HIP1: variants seen among roughly 807,000 people sequenced by gnomAD.
The protein encoded by HIP1 is huntingtin-interacting protein 1.
A neutral mutation model predicts 147.6 loss-of-function variants in HIP1; 65 were observed. That is an observed-to-expected ratio of 0.44 (90% CI 0.36 to 0.54). The LOEUF is 0.54. HIP1 is among the 20% of genes least tolerant of loss of function. The pLI is 0.00. For synonymous variants in HIP1, 479 were observed against 504.0 expected (o/e 0.95, Z 0.67); for missense variants, 1,061 against 1,299.6 (o/e 0.82, Z 2.82).
chr7:75,721,636 C>T (rs1209312293), intron 1 of HIP1, among the ~76,000 whole-genome samples: 1 of 152,198 alleles, frequency 6.6e-6, no homozygotes, highest in Non-Finnish European at 1.5e-5. Flanking sequence ...GTGCAACGCT[C>T]AGCCTGTGCA....
chr7:75,677,053 G>C (rs1349943952), intron 1 of HIP1, among the ~76,000 whole-genome samples: 2 of 151,534 alleles, frequency 1.3e-5, no homozygotes, highest in African/African-American at 4.8e-5. Flanking sequence ...AAATTAGCCA[G>C]GTGTGGTGGT....
At chr7:75,540,764 A>T (rs1039383819) in intron 29 of HIP1, among the ~76,000 whole-genome samples, 2 of 152,178 alleles carry the variant, frequency 1.3e-5, no homozygotes, top group South Asian at 2.1e-4. Context: ...ACATAATATG[A>T]CTTTATAGAA....
chr7:75,692,983 G>A (rs2117302436), intron 1 of HIP1, among the ~76,000 whole-genome samples: 1 of 151,944 alleles, frequency 6.6e-6, no homozygotes, highest in African/African-American at 2.4e-5. Context: ...TGGCCAACAT[G>A]GCGAAGCTTG....
intron 1 of HIP1, among the ~76,000 whole-genome samples, chr7:75,614,711 C>G (rs369285878): frequency 6.6e-6 from 1 of 151,560 alleles, no homozygotes; most frequent in Middle Eastern, 3.4e-3. Flanking sequence ...GTTACAATAG[C>G]GAATTTCATG....
chr7:75,725,580 T>C (rs1554522259), intron 1 of HIP1, among the ~76,000 whole-genome samples: 3 of 152,164 alleles, frequency 2.0e-5, no homozygotes, highest in Non-Finnish European at 2.9e-5. Flanking sequence ...CAAATTGAAG[T>C]ATACAGAAAA....
At chr7:75,596,146 A>T (rs1554501919) in intron 2 of HIP1, among the ~76,000 whole-genome samples, 1 of 144,782 alleles carries the variant, frequency 6.9e-6, no homozygotes, top group African/African-American at 2.6e-5. Context: ...TGGGAGGATC[A>T]CTTGAGCCTA....
chr7:75,587,580 C>T (rs376613628), intron 4 of HIP1, among the ~76,000 whole-genome samples: 19 of 152,296 alleles, frequency 1.2e-4, no homozygotes, highest in African/African-American at 4.1e-4. Context: ...CTATCATAAA[C>T]CATTTCAATG....
At chr7:75,607,389 C>T (rs782251968) in intron 1 of HIP1, among the ~76,000 whole-genome samples, 5 of 151,294 alleles carry the variant, frequency 3.3e-5, no homozygotes, top group African/African-American at 7.3e-5. Context: ...CCACCAAGCC[C>T]GGCTAATTTT....
intron 1 of HIP1, among the ~76,000 whole-genome samples, chr7:75,622,389 C>T (rs1271327904): frequency 1.3e-5 from 2 of 151,864 alleles, no homozygotes; most frequent in Non-Finnish European, 2.9e-5. Flanking sequence ...AGCCTGAGGA[C>T]ACCCCGACGT....
At chr7:75,615,561 A>G (rs782725677) in intron 1 of HIP1, among the ~76,000 whole-genome samples, 16 of 151,948 alleles carry the variant, frequency 1.1e-4, no homozygotes, top group South Asian at 6.2e-4. Context: ...CCCCACCCTT[A>G]AAAAAGGTGG....
At position 75,547,495 on chromosome 7, in the gene HIP1, C is replaced by T. The variant is rs147610850; in HGVS notation, c.2465+260G>A. Among the ~76,000 whole-genome samples the T allele has an allele frequency of 3.9e-3, 586 of 152,078 alleles. 5 individuals are homozygous for T. Among genetic ancestry groups the T allele is most frequent in the African/African-American group, 0.013 (554 of 41,516 alleles). ...ATTGGGCAGGCTGGTCTCGAACTCC[C>T]GACCTCAGGTGATCCTCCCTCCTCA... On this transcript the variant is annotated intron_variant, in intron 24 of 30. Transcript: ENST00000336926.
At chr7:75,632,430 A>G (rs1798260157) in intron 1 of HIP1, among the ~76,000 whole-genome samples, 1 of 152,068 alleles carries the variant, frequency 6.6e-6, no homozygotes, top group African/African-American at 2.4e-5. Flanking sequence ...TTTAGAGAAA[A>G]GGTCTCACTC....
intron 1 of HIP1, among the ~76,000 whole-genome samples, chr7:75,725,895 T>C (rs1801635431): frequency 6.7e-6 from 1 of 150,130 alleles, no homozygotes; most frequent in Non-Finnish European, 1.5e-5. Context: ...CAATCTCGGC[T>C]CACTGCGTCT....
rs79594490 is a variant in HIP1 at position 75,557,701 on chromosome 7, C to G, written c.1534G>C (p.Glu512Gln). The change falls in exon 16 of 31, where the codon GAG becomes CAG. Residue 512 changes from glutamate (E) to glutamine (Q), a missense_variant. This residue lies in a region of HIP1 where 810 missense variants were observed against 946.8 expected (regional missense o/e 0.86). Coordinates refer to ENST00000336926, the MANE Select transcript of HIP1 (RefSeq NM_005338.7). ...ATGCGCTCCAACGAATCCTCCAGCT[C>G]TTTTTTCTCTCGTTCCAAATCTACC... ...AQVDLEREKK[E>Q]LEDSLERISD... is the part of the protein sequence containing the mutation. 1.2e-6 allele frequency: 2 copies of G among 1,614,058 alleles called. No homozygotes were observed. The highest frequency in any genetic ancestry group is 8.5e-7 in the Non-Finnish European group (1 of 1,180,050).
At chr7:75,570,527 A>G (rs772017778) in intron 8 of HIP1, among the ~76,000 whole-genome samples, 27 of 140,438 alleles carry the variant, frequency 1.9e-4, no homozygotes, top group East Asian at 1.7e-3. Flanking sequence ...TCCTGACCTC[A>G]TGATCCGCCC....
rs1794875383 is a variant in HIP1, at chr7:75,553,608, A to G, written c.2159-19T>C. ...GTCAGTGCTGGAGATACAAGGCAATAGACACTTTTTTTTTGAGATGGAGTC... is the reference window on the plus strand; with the variant it reads ...GTCAGTGCTGGAGATACAAGGCAATGGACACTTTTTTTTTGAGATGGAGTC... On this transcript the variant is annotated intron_variant, in intron 21 of 30. Transcript: ENST00000336926. The G allele has an allele frequency of 6.2e-7, 1 of 1,608,052 alleles. No individual in the cohort carries two copies. Among genetic ancestry groups the G allele is most frequent in the Non-Finnish European group, 8.5e-7 (1 of 1,176,088 alleles).
intron 1 of HIP1, among the ~76,000 whole-genome samples, chr7:75,649,137 GC>G (rs1798897542): frequency 6.6e-6 from 1 of 152,026 alleles, no homozygotes; most frequent in Admixed American, 6.6e-5. Flanking sequence ...CAATTCTCCT[GC>G]CTCATCCTCC....
At chr7:75,656,837 G>A (rs576395153) in intron 1 of HIP1, among the ~76,000 whole-genome samples, 20 of 152,150 alleles carry the variant, frequency 1.3e-4, no homozygotes, top group Non-Finnish European at 2.9e-4. Flanking sequence ...TATTTGTCCT[G>A]CAGTGGTACA....
chr7:75,724,156 C>T (rs907092668), intron 1 of HIP1, among the ~76,000 whole-genome samples: 1 of 152,094 alleles, frequency 6.6e-6, no homozygotes, highest in Non-Finnish European at 1.5e-5. Flanking sequence ...GGGGTTTCAC[C>T]ATGTTGGCCA....
Sources: allele counts gnomAD v4.1 joint callset (sites outside exome capture counted in the v4.1 genomes callset), GRCh38; gene constraint gnomAD v4.1.1; regional missense constraint gnomAD v4.1.1; transcripts MANE v1.5; gene names NCBI Gene and HGNC (gene_info 2026-07-23, HGNC 2026-07-21).